The following FHAD1 variants were observed in gnomAD, a reference collection of about 807,000 sequenced individuals.
FHAD1 encodes the protein forkhead associated phosphopeptide binding domain 1, also known as forkhead-associated domain-containing protein 1.
FHAD1 carries 146 observed loss-of-function variants against 191.3 expected under a neutral mutation model. The ratio of observed to expected loss-of-function variants is 0.76; its 90% CI spans 0.67 to 0.88. The LOEUF (loss-of-function observed/expected upper bound fraction) is 0.88. Ranked by LOEUF, FHAD1 falls within the 40% of genes least tolerant of loss-of-function variation. The pLI, the probability that FHAD1 is intolerant of heterozygous loss-of-function variation, is 0.00. For synonymous variants in FHAD1, 616 were observed against 672.3 expected, an observed-to-expected ratio of 0.92 and a Z score of 1.29; for missense variants, 1,635 against 1,785.8, an observed-to-expected ratio of 0.92 and a Z score of 1.52.
In FHAD1 at chr1:15,295,470, C is replaced by T. The variant is rs147818941; in HGVS notation, c.569-1214C>T. Among the ~76,000 whole-genome samples, 966 of 152,072 alleles carry T rather than the reference C, an allele frequency of 6.4e-3. 13 individuals carry two copies. Among genetic ancestry groups the T allele is most frequent in the African/African-American group, 0.022 (908 of 41,466 alleles). On this transcript the variant is annotated intron_variant, in intron 4 of 33. Transcript: ENST00000688493. ...CAAAAAATTAAAAATTAGCCAAGCA[C>T]GGTAGCATGCACCTGTAGTCACAAC...
chr1:15,259,602 G>A lies in FHAD1; in HGVS notation c.93+7725G>A, dbSNP rs77055625. Among the ~76,000 whole-genome samples the A allele has an allele frequency of 4.2e-3, 644 of 152,306 alleles. 7 individuals are homozygous for A. The highest frequency in any genetic ancestry group is 0.015 in the African/African-American group (619 of 41,562). The stretch of plus-strand genomic sequence containing the variant: ...ATCCCACAGTTTGGACTCCTAGGTG[G>A]GGATTATCAGCAGAACAGCGAAAAT... On this transcript the variant is annotated intron_variant, in intron 2 of 33. Coordinates refer to ENST00000688493, the MANE Select transcript of FHAD1 (RefSeq NM_001391957.1).
At chr1:15,307,785 C>T (rs1170631596) in intron 6 of FHAD1, among the ~76,000 whole-genome samples, 1 of 151,576 alleles carries the variant, frequency 6.6e-6, no homozygotes, top group Non-Finnish European at 1.5e-5. Context: ...GGTTGTAGTG[C>T]AGTGGCACGA....
chr1:15,306,320 AT>A (rs1670480060), intron 6 of FHAD1, among the ~76,000 whole-genome samples: 1 of 152,242 alleles, frequency 6.6e-6, no homozygotes, highest in South Asian at 2.1e-4. Flanking sequence ...AAAGCATTCC[AT>A]TTTAAAAGGG....
At chr1:15,362,311 G>A (rs928026207) in intron 22 of FHAD1, among the ~76,000 whole-genome samples, 19 of 152,258 alleles carry the variant, frequency 1.2e-4, no homozygotes, top group African/African-American at 4.1e-4. Flanking sequence ...TTCCAAGAGA[G>A]ACAGGCAGGC....
At chr1:15,275,652 G>C (rs1053299059) in intron 3 of FHAD1, among the ~76,000 whole-genome samples, 3 of 152,190 alleles carry the variant, frequency 2.0e-5, no homozygotes, top group Non-Finnish European at 4.4e-5. Context: ...CTATTTGCCT[G>C]ATGACCTCGA....
In FHAD1 at chr1:15,397,435, C is replaced by T. The variant is rs1706376943; in HGVS notation, c.*22C>T. 6.4e-6 allele frequency: 8 copies of T among 1,246,286 alleles called. No homozygotes were observed. Among genetic ancestry groups the T allele is most frequent in the African/African-American group, 1.5e-5 (1 of 66,830 alleles). 77.2% of individuals were successfully genotyped at this position (1,246,286 alleles called of 1,614,324 possible). A position where few individuals can be genotyped will look rare whatever the true frequency, so the allele number is the denominator to read the frequency against. ...CTAGAGAAACCTCGTCCCACCAGGCCTCATGTGATCCTCTGTGAGTTCATG... is the reference window on the plus strand; with the variant it reads ...CTAGAGAAACCTCGTCCCACCAGGCTTCATGTGATCCTCTGTGAGTTCATG... On this transcript the variant is annotated 3_prime_UTR_variant, in exon 34 of 34. Transcript: ENST00000688493.
intron 23 of FHAD1, among the ~76,000 whole-genome samples, chr1:15,364,588 C>G: frequency 6.6e-6 from 1 of 151,766 alleles, no homozygotes. Flanking sequence ...CCAGCCTGGG[C>G]GACAGAGCAA....
At chr1:15,297,736 G>C (rs1667405502) in intron 5 of FHAD1, among the ~76,000 whole-genome samples, 1 of 152,220 alleles carries the variant, frequency 6.6e-6, no homozygotes, top group Admixed American at 6.5e-5. Context: ...GGCAGGGGCT[G>C]ATGGTCTCAG....
Position 15,368,678 on chromosome 1 carries a change from G to T in FHAD1, c.3315-692G>T, listed in dbSNP as rs910327977. 1.3e-5 allele frequency among the ~76,000 whole-genome samples: 2 copies of T among 152,298 alleles called. 1 individual carries two copies. Among genetic ancestry groups the T allele is most frequent in the South Asian group, 4.1e-4 (2 of 4,828 alleles). On this transcript the variant is annotated intron_variant, in intron 25 of 33. Coordinates refer to ENST00000688493, the MANE Select transcript of FHAD1 (RefSeq NM_001391957.1). ...CCCTAGACCAGGCCCAGTGGCTCAC[G>T]CCTGTAATCCCAGCACTTTGGGAGG...
chr1:15,399,519 C>A (rs1359299608), downstream of FHAD1, among the ~76,000 whole-genome samples: 1 of 152,024 alleles, frequency 6.6e-6, no homozygotes, highest in African/African-American at 2.4e-5. Context: ...TGAGCTATGA[C>A]TGTACCACTG....
chr1:15,354,402 G>A (rs1343661788), intron 20 of FHAD1, among the ~76,000 whole-genome samples: 2 of 152,172 alleles, frequency 1.3e-5, no homozygotes. Flanking sequence ...TGAGTAACTG[G>A]CATGTGTCCA....
intron 20 of FHAD1, among the ~76,000 whole-genome samples, chr1:15,354,032 TGGCAATCATG>T (rs1227391250): frequency 6.6e-6 from 1 of 152,180 alleles, no homozygotes. Context: ...ACATGCAGCC[TGGCAATCATG>T]GGTTAAATTT....
At chr1:15,388,823 T>A (rs950811185) in intron 32 of FHAD1, among the ~76,000 whole-genome samples, 7 of 152,136 alleles carry the variant, frequency 4.6e-5, no homozygotes, top group Non-Finnish European at 1.0e-4. Flanking sequence ...GAGGGGACGG[T>A]GTGTGACGTA....
intron 15 of FHAD1, among the ~76,000 whole-genome samples, chr1:15,341,530 C>T (rs570748954): frequency 3.9e-5 from 6 of 152,320 alleles, no homozygotes; most frequent in Non-Finnish European, 5.9e-5. Context: ...AATGAGGAAG[C>T]ATCTAGAAAC....
chr1:15,391,223 T>C lies in FHAD1; in HGVS notation c.4283T>C (p.Val1428Ala), dbSNP rs1381351175. ...KEKDRQRRVF[V>A]EMVKNRMQNS... ...TCTGTATTGAAGAGACGAGTATTTG[T>C]AGAGATGGTGAAGAACAGGATGCAG... Residue 1428 changes from valine (V) to alanine (A), a missense_variant, in exon 33 of 34, where the codon GTA becomes GCA. Transcript: ENST00000688493. 2 of 1,288,084 alleles carry C rather than the reference T, an allele frequency of 1.6e-6. No individual in the cohort carries two copies. Among genetic ancestry groups the C allele is most frequent in the Non-Finnish European group, 2.0e-6 (2 of 987,646 alleles). 79.8% of individuals were successfully genotyped at this position (1,288,084 alleles called of 1,614,324 possible).
At position 15,326,568 on chromosome 1, in the gene FHAD1, G is replaced by C. The variant is rs117962801; in HGVS notation, c.1474-491G>C. ...CCGTAGTAGGCTCCAGGGATACCGA[G>C]ATGAACAGAGTGGACATAGTCTTCA... On this transcript the variant is annotated intron_variant, in intron 11 of 33. Coordinates refer to ENST00000688493, the MANE Select transcript of FHAD1 (RefSeq NM_001391957.1). 655 of 152,790 alleles carry C rather than the reference G, an allele frequency of 4.3e-3. 24 individuals are homozygous for C. The highest frequency in any genetic ancestry group is 0.034 in the Admixed American group (516 of 15,322). 9.5% of individuals were successfully genotyped at this position (152,790 alleles called of 1,614,324 possible).
At chr1:15,298,804 C>G (rs1431011493) in intron 5 of FHAD1, among the ~76,000 whole-genome samples, 2 of 152,132 alleles carry the variant, frequency 1.3e-5, no homozygotes, top group Admixed American at 6.5e-5. Flanking sequence ...TAAATTTTTA[C>G]TATTTATGAA....
intron 2 of FHAD1, among the ~76,000 whole-genome samples, chr1:15,271,997 C>T (rs544135512): frequency 6.6e-6 from 1 of 152,178 alleles, no homozygotes; most frequent in East Asian, 1.9e-4. Flanking sequence ...AAGAAAATGG[C>T]CAATTCCCTG....
chr1:15,266,603 G>A (rs977928241), intron 2 of FHAD1, among the ~76,000 whole-genome samples: 2 of 152,116 alleles, frequency 1.3e-5, no homozygotes, highest in African/African-American at 4.8e-5. Context: ...ATTAACTCAA[G>A]CCCAGAGTTT....
Sources: allele counts gnomAD v4.1 joint callset (sites outside exome capture counted in the v4.1 genomes callset), GRCh38; gene constraint gnomAD v4.1.1; transcripts MANE v1.5; gene names NCBI Gene and HGNC (gene_info 2026-07-23, HGNC 2026-07-21).